Variants in AGO1 observed in about 807,000 individuals in gnomAD.
The protein encoded by AGO1 is argonaute RISC component 1.
Under a neutral mutation model 109.2 loss-of-function variants are expected in AGO1, and 11 were observed. The ratio of observed to expected loss-of-function variants is 0.10; its 90% CI spans 0.06 to 0.17. AGO1 has a LOEUF of 0.17. AGO1 is among the 10% of genes least tolerant of loss of function. AGO1 has a pLI of 1.00. For missense variants in AGO1, 574 were observed against 1,140.3 expected, an observed-to-expected ratio of 0.50 and a Z score of 7.15; for synonymous variants, 422 against 418.6, an observed-to-expected ratio of 1.01 and a Z score of -0.10.
At chr1:35,876,509 G>T (rs576166308) in intron 1 of AGO1, among the ~76,000 whole-genome samples, 1 of 151,984 alleles carries the variant, frequency 6.6e-6, no homozygotes, top group Non-Finnish European at 1.5e-5. Context: ...TTCGTGATCC[G>T]CCCACCTCGG....
intron 1 of AGO1, among the ~76,000 whole-genome samples, chr1:35,878,186 C>T (rs1466092685): frequency 6.6e-6 from 1 of 151,876 alleles, no homozygotes; most frequent in Non-Finnish European, 1.5e-5. Flanking sequence ...CGGATTCACG[C>T]CATTCTCCTG....
rs906587405 is a variant in AGO1, at chr1:35,926,450, T to C, written c.*6843T>C. ...CCTTGGGGTAGTCAGGCTGGGTATT[T>C]GTTTGGTATCTCTTGGTGTAGCAGA... is the stretch of plus-strand genomic sequence containing the variant. On this transcript the variant is annotated 3_prime_UTR_variant, in exon 19 of 19. Coordinates refer to ENST00000373204, the MANE Select transcript of AGO1 (RefSeq NM_012199.5). 1 of 152,186 alleles carries C rather than the reference T, an allele frequency of 6.6e-6. No homozygotes were observed. The highest frequency in any genetic ancestry group is 2.4e-5 in the African/African-American group (1 of 41,440). 9.4% of individuals were successfully genotyped at this position (152,186 alleles called of 1,614,324 possible).
rs537588152 is a variant in AGO1, at chr1:35,909,795, T to C, written c.1582+2676T>C. 1.1e-4 allele frequency among the ~76,000 whole-genome samples: 16 copies of C among 152,284 alleles called. No homozygotes were observed. The East Asian group carries it at 2.3e-3, about 22-fold the overall frequency. On this transcript the variant is annotated intron_variant, in intron 12 of 18. Transcript: ENST00000373204. ...GATACAATACTCAGTAATTAACTTA[T>C]GGAGAGAAGTTGTTTGATCTTCAGT...
Position 35,919,190 on chromosome 1 carries a change from G to T in AGO1, c.2401G>T (p.Ala801Ser). The T allele has an allele frequency of 6.2e-7, 1 of 1,614,176 alleles. No homozygotes were observed. Among genetic ancestry groups the T allele is most frequent in the Non-Finnish European group, 8.5e-7 (1 of 1,180,046 alleles). The change falls in exon 18 of 19, where the codon GCC becomes TCC. Residue 801 changes from alanine to serine, a missense_variant. Ala to Ser is a moderately conservative substitution (Grantham distance 99). Around this residue, in one of 8 missense-constraint regions of AGO1, gnomAD observed 62 missense variants for 192.0 expected, o/e 0.32. Coordinates refer to ENST00000373204, the MANE Select transcript of AGO1 (RefSeq NM_012199.5). The surrounding 1 kb of genome is among the most constrained non-coding windows in gnomAD (Gnocchi z 6.6). ...ACGCTCTGTCTCTATCCCAGCACCTGCCTACTATGCCCGCCTGGTGGCTTT... is the reference window on the plus strand; with the variant it reads ...ACGCTCTGTCTCTATCCCAGCACCTTCCTACTATGCCCGCCTGGTGGCTTT... ...CTRSVSIPAP[A>S]YYARLVAFRA...
intron 2 of AGO1, among the ~76,000 whole-genome samples, chr1:35,890,319 G>A (rs1645194946): frequency 6.6e-6 from 1 of 152,228 alleles, no homozygotes; most frequent in East Asian, 1.9e-4. Flanking sequence ...CATCATGCCC[G>A]GCCAATTGTT....
upstream of AGO1, chr1:35,882,916 G>A: frequency 2.0e-6 from 2 of 984,606 alleles, no homozygotes; most frequent in Middle Eastern, 5.2e-4. The surrounding 1 kb of genome is among the most constrained non-coding windows in gnomAD (Gnocchi z 5.1). Flanking sequence ...AGCTCGGTGC[G>A]ACAGGCGGGG....
In AGO1 at chr1:35,922,455, AGT is replaced by A. The variant is rs1645849756; in HGVS notation, c.*2850_*2851del. 1 of 152,310 alleles carries A rather than the reference AGT, an allele frequency of 6.6e-6. No homozygotes were observed. The highest frequency in any genetic ancestry group is 1.5e-5 in the Non-Finnish European group (1 of 68,090). The allele number at this position is 152,310 out of a possible 1,614,324, so 9.4% of individuals were successfully genotyped here. On this transcript the variant is annotated 3_prime_UTR_variant, in exon 19 of 19. Coordinates refer to ENST00000373204, the MANE Select transcript of AGO1 (RefSeq NM_012199.5). ...GTGCTTCTTACCCAAGCTTCAAGGA[AGT>A]GCTTGGGGGACCCCCAGCCTCATCC...
chr1:35,883,153 G>C (rs1341436996), upstream of AGO1: 1 of 1,128,918 alleles, frequency 8.9e-7, no homozygotes, highest in Non-Finnish European at 1.1e-6. This position sits in a 1 kb window ranked among gnomAD's most constrained non-coding sequence, Gnocchi z 5.4. Context: ...TGCCGTCGGA[G>C]CGCCCCGCTT....
intron 1 of AGO1, among the ~76,000 whole-genome samples, chr1:35,886,034 A>G (rs1014851536): frequency 1.3e-5 from 2 of 152,162 alleles, no homozygotes; most frequent in Non-Finnish European, 2.9e-5. Context: ...TGTGGGCCTC[A>G]GAACTGCAAG....
chr1:35,929,000 C>T lies in AGO1; in HGVS notation c.*9393C>T, dbSNP rs1228316139. 6.6e-6 allele frequency: 1 copy of T among 152,240 alleles called. No individual in the cohort carries two copies. The highest frequency in any genetic ancestry group is 1.5e-5 in the Non-Finnish European group (1 of 68,046). The allele number at this position is 152,240 out of a possible 1,614,324, so 9.4% of individuals were successfully genotyped here. On this transcript the variant is annotated 3_prime_UTR_variant, in exon 19 of 19. Coordinates refer to ENST00000373204, the MANE Select transcript of AGO1 (RefSeq NM_012199.5). Reference sequence around the variant, plus strand: ...CATTCTTGAAGCTCATTTATTTATTCACCTATCTGTCCATCAATCCAACAA... The same window carrying T: ...CATTCTTGAAGCTCATTTATTTATTTACCTATCTGTCCATCAATCCAACAA...
At chr1:35,910,735 A>G (rs183092318) in intron 12 of AGO1, among the ~76,000 whole-genome samples, 1 of 152,278 alleles carries the variant, frequency 6.6e-6, no homozygotes, top group Admixed American at 6.5e-5. Flanking sequence ...CTGTTAATAC[A>G]CATATTTGGA....
chr1:35,872,112 G>T (rs1485356126), intron 1 of AGO1, among the ~76,000 whole-genome samples: 7 of 148,828 alleles, frequency 4.7e-5, no homozygotes, highest in African/African-American at 1.5e-4. Context: ...GTTATTCCTT[G>T]AACATTTGGC....
chr1:35,900,873 A>C (rs1571356572), intron 8 of AGO1, among the ~76,000 whole-genome samples: 2 of 152,000 alleles, frequency 1.3e-5, no homozygotes, highest in Non-Finnish European at 2.9e-5. Flanking sequence ...GTGCCACTGC[A>C]CTCCAGCCTG....
chr1:35,870,310 G>A (rs1024268059), intron 1 of AGO1, among the ~76,000 whole-genome samples: 3 of 151,512 alleles, frequency 2.0e-5, no homozygotes, highest in African/African-American at 7.3e-5. Flanking sequence ...TTGAGACGGA[G>A]TCTCACTCTG....
intron 1 of AGO1, among the ~76,000 whole-genome samples, chr1:35,876,248 TC>T (rs1644991180): frequency 6.6e-6 from 1 of 151,530 alleles, no homozygotes; most frequent in South Asian, 2.1e-4. Flanking sequence ...GATGAGGAAA[TC>T]CTTTTTTTTT....
chr1:35,902,009 A>T lies in AGO1; in HGVS notation c.1202A>T (p.Asp401Val). ...CAGGAATTTGGGATCAAAGTGAAGG[A>T]TGACATGACGGAGGTGACAGGGCGA... ...YIQEFGIKVK[D>V]DMTEVTGRVL... is the part of the protein sequence containing the mutation. Residue 401 changes from aspartate (D) to valine (V), a missense_variant, in exon 10 of 19, where the codon GAT (aspartate) becomes GTT (valine). Asp to Val is a radical substitution (Grantham distance 152). Transcript: ENST00000373204. The T allele has an allele frequency of 1.2e-6, 2 of 1,611,912 alleles. No homozygotes were observed. The highest frequency in any genetic ancestry group is 1.7e-6 in the Non-Finnish European group (2 of 1,179,072).
At chr1:35,892,473 A>C in intron 2 of AGO1, 84 bp from the exon 3 acceptor site, 1 of 1,578,652 alleles carries the variant, frequency 6.3e-7, no homozygotes, top group African/African-American at 1.3e-5. Flanking sequence ...AATAGATGGG[A>C]CATTGCCTGG....
In AGO1 at chr1:35,901,744, TA is replaced by T; in HGVS notation, c.1140+152del. ...TGCTTTTGCTTCTTGACCGTATAGC[TA>T]CTTTGCTTTCTGTCTCTTTTTCTCT... is the stretch of plus-strand genomic sequence containing the variant. On this transcript the variant is annotated intron_variant, in intron 9 of 18. Coordinates refer to ENST00000373204, the MANE Select transcript of AGO1 (RefSeq NM_012199.5). The surrounding 1 kb of genome is among the most constrained non-coding windows in gnomAD (Gnocchi z 4.8). 7.3e-7 allele frequency: 1 copy of T among 1,370,284 alleles called. No individual in the cohort carries two copies. Among genetic ancestry groups the T allele is most frequent in the Non-Finnish European group, 1.0e-6 (1 of 1,004,834 alleles). 84.9% of individuals were successfully genotyped at this position (1,370,284 alleles called of 1,614,324 possible). A position where few individuals can be genotyped will look rare whatever the true frequency, so the allele number is the denominator to read the frequency against.
intron 10 of AGO1, 43 bp downstream of exon 10, chr1:35,902,113 G>A: frequency 6.3e-7 from 1 of 1,585,288 alleles, no homozygotes. Flanking sequence ...GGCATATGGG[G>A]GTGGTTGGGT....
Sources: gnomAD v4.1 joint callset for allele counts (sites outside exome capture counted in the v4.1 genomes callset) on GRCh38, gnomAD v4.1.1 for gene constraint, gnomAD v4.1.1 regional missense constraint, Gnocchi (gnomAD v3.1) non-coding constraint, MANE v1.5 for transcripts, NCBI Gene and HGNC (gene_info 2026-07-23, HGNC 2026-07-21) for gene names.